Variants in LRP1B observed in about 807,000 individuals in gnomAD.
LRP1B encodes the protein low-density lipoprotein receptor-related protein 1B.
In LRP1B, 217 loss-of-function variants were observed where a neutral mutation model predicts 556.6. The observed-to-expected ratio is 0.39, with a 90% CI of 0.35 to 0.44. LRP1B has a LOEUF of 0.44. Ranked by LOEUF, LRP1B falls within the 20% of genes least tolerant of loss-of-function variation. The pLI, the probability that LRP1B is intolerant of heterozygous loss-of-function variation, is 1.00. For synonymous variants in LRP1B, 2,047 were observed against 1,865.8 expected, an observed-to-expected ratio of 1.10 and a Z score of -2.50; for missense variants, 5,053 against 5,620.8, an observed-to-expected ratio of 0.90 and a Z score of 3.23.
chr2:142,126,607 A>G (rs935942057), intron 1 of LRP1B, among the ~76,000 whole-genome samples: 13 of 151,860 alleles, frequency 8.6e-5, no homozygotes, highest in African/African-American at 3.1e-4. Flanking sequence ...CCTTTGTACA[A>G]GAATTGTTTT....
rs2105198343 is a variant in LRP1B at position 140,601,489 on chromosome 2, T to C, written c.6950A>G (p.Asp2317Gly). 1.2e-6 allele frequency: 2 copies of C among 1,612,878 alleles called. No homozygotes were observed. The highest frequency in any genetic ancestry group is 4.5e-5 in the East Asian group (2 of 44,858). The stretch of plus-strand genomic sequence containing the variant: ...CAAGGCTAGCACATGTGGATGGTCA[T>C]CTTCTGACATGGTGATGACAGCTTC... ...DREAVITMSE[D>G]DHPHVLALDE... Residue 2317 changes from aspartate to glycine, a missense_variant, in exon 42 of 91, where the codon GAT (aspartate) becomes GGT (glycine). Asp to Gly is a moderately conservative substitution (Grantham distance 94). Coordinates refer to ENST00000389484, the MANE Select transcript of LRP1B (RefSeq NM_018557.3).
intron 41 of LRP1B, among the ~76,000 whole-genome samples, chr2:140,635,504 T>G (rs2105286355): frequency 6.6e-6 from 1 of 152,144 alleles, no homozygotes; most frequent in Non-Finnish European, 1.5e-5. Context: ...ATAACATAGA[T>G]AAATTTTATT....
At chr2:141,323,921 C>T (rs1351220173) in intron 3 of LRP1B, among the ~76,000 whole-genome samples, 2 of 129,900 alleles carry the variant, frequency 1.5e-5, no homozygotes, top group African/African-American at 3.0e-5. Flanking sequence ...AACGAGGAAA[C>T]CACACACACA....
intron 77 of LRP1B, among the ~76,000 whole-genome samples, chr2:140,340,810 C>T (rs1250573149): frequency 6.6e-6 from 1 of 151,396 alleles, no homozygotes; most frequent in African/African-American, 2.4e-5. Context: ...GAGCCAACTA[C>T]CTGCTGCACC....
chr2:141,989,380 C>G (rs1388531769), intron 1 of LRP1B, among the ~76,000 whole-genome samples: 2 of 151,862 alleles, frequency 1.3e-5, no homozygotes, highest in Non-Finnish European at 2.9e-5. Flanking sequence ...AGTCAAGGGT[C>G]ATCATTCACA....
Position 140,884,087 on chromosome 2 carries a change from C to T in LRP1B, c.3965-66G>A, listed in dbSNP as rs1333355647. 7 of 1,390,100 alleles carry T rather than the reference C, an allele frequency of 5.0e-6. No individual in the cohort carries two copies. In the South Asian group the frequency reaches 6.1e-5, roughly 12 times the overall value. 86.1% of individuals were successfully genotyped at this position (1,390,100 alleles called of 1,614,324 possible). A position where few individuals can be genotyped will look rare whatever the true frequency, so the allele number is the denominator to read the frequency against. ...ATTGTGTTAAGCACAAAGGAAAAGGCCTTTGTGCCTGTGATCAGCAGTACA... is the reference window on the plus strand; with the variant it reads ...ATTGTGTTAAGCACAAAGGAAAAGGTCTTTGTGCCTGTGATCAGCAGTACA... On this transcript the variant is annotated intron_variant, in intron 24 of 90. Coordinates refer to ENST00000389484, the MANE Select transcript of LRP1B (RefSeq NM_018557.3).
At chr2:142,072,217 G>C (rs1705342778) in intron 1 of LRP1B, among the ~76,000 whole-genome samples, 1 of 151,914 alleles carries the variant, frequency 6.6e-6, no homozygotes. Context: ...CTACTGATCA[G>C]ATGATCTTGA....
At position 141,049,040 on chromosome 2, in the gene LRP1B, G is replaced by A. The variant is rs2105445629; in HGVS notation, c.1735C>T (p.Leu579=). ...CCATCTATCTTCTGCCGGCCAATTA[G>A]GAAACTGGTGGTGTCAGCAAAGTAG... ...YIYFADTTSF[L]IGRQKIDGTE... Residue 579 remains leucine (L), a synonymous_variant, in exon 11 of 91, where the codon CTA becomes TTA. Transcript: ENST00000389484. 6.2e-7 allele frequency: 1 copy of A among 1,613,498 alleles called. No homozygotes were observed. The highest frequency in any genetic ancestry group is 8.5e-7 in the Non-Finnish European group (1 of 1,179,664).
intron 1 of LRP1B, among the ~76,000 whole-genome samples, chr2:142,114,554 G>C (rs1323779790): frequency 6.6e-6 from 1 of 151,994 alleles, no homozygotes; most frequent in Non-Finnish European, 1.5e-5. Flanking sequence ...ACAAAATGTG[G>C]TACATATACA....
intron 72 of LRP1B, among the ~76,000 whole-genome samples, chr2:140,363,672 C>T (rs762722835): frequency 2.0e-5 from 3 of 151,118 alleles, no homozygotes; most frequent in South Asian, 2.1e-4. Flanking sequence ...TAGAAAAAAA[C>T]TCTCCAAAAC....
intron 2 of LRP1B, among the ~76,000 whole-genome samples, chr2:141,641,871 A>G (rs370767922): frequency 1.3e-5 from 2 of 152,284 alleles, no homozygotes; most frequent in East Asian, 3.9e-4. Flanking sequence ...TATATTATAT[A>G]TTGAAATACA....
At chr2:140,863,717 C>T (rs1692865854) in intron 27 of LRP1B, among the ~76,000 whole-genome samples, 1 of 152,152 alleles carries the variant, frequency 6.6e-6, no homozygotes, top group Non-Finnish European at 1.5e-5. Flanking sequence ...TTAAACTTAG[C>T]TAATCCCAAG....
intron 3 of LRP1B, among the ~76,000 whole-genome samples, chr2:141,437,305 G>A (rs943508287): frequency 9.9e-5 from 15 of 152,140 alleles, no homozygotes; most frequent in Middle Eastern, 3.4e-3. Flanking sequence ...ATTTTGACTG[G>A]TGGACAAATA....
intron 2 of LRP1B, among the ~76,000 whole-genome samples, chr2:141,693,740 T>C (rs1212631036): frequency 1.3e-5 from 2 of 152,002 alleles, no homozygotes; most frequent in Non-Finnish European, 2.9e-5. Context: ...AAATAACTCA[T>C]GTCTAAGGGA....
At position 141,949,858 on chromosome 2, in the gene LRP1B, C is replaced by A. The variant is rs1701059130; in HGVS notation, c.83-139457G>T. Among the ~76,000 whole-genome samples the A allele has an allele frequency of 2.0e-5, 3 of 152,158 alleles. No individual in the cohort carries two copies. In the South Asian group the frequency reaches 6.2e-4, roughly 31 times the overall value. On this transcript the variant is annotated intron_variant, in intron 1 of 90. Coordinates refer to ENST00000389484, the MANE Select transcript of LRP1B (RefSeq NM_018557.3). ...TCTAATAAAGATATGCATTTAACTACATTTCAGTGAAGATTTTGAGAGGAT... is the reference window on the plus strand; with the variant it reads ...TCTAATAAAGATATGCATTTAACTAAATTTCAGTGAAGATTTTGAGAGGAT...
intron 41 of LRP1B, among the ~76,000 whole-genome samples, chr2:140,613,352 A>ATTATATACAT (rs1559005748): frequency 3.0e-4 from 27 of 88,854 alleles, no homozygotes; most frequent in Admixed American, 7.4e-4. Flanking sequence ...TATAAATATA[A>ATTATATACAT]ATAATTATAT....
chr2:141,126,951 G>C (rs947067801), intron 7 of LRP1B, among the ~76,000 whole-genome samples: 65 of 152,212 alleles, frequency 4.3e-4, no homozygotes, highest in African/African-American at 1.5e-3. Flanking sequence ...ATGGTGGTTT[G>C]CTGCACCCAT....
At chr2:141,139,164 C>T (rs916328869) in intron 7 of LRP1B, among the ~76,000 whole-genome samples, 2 of 151,778 alleles carry the variant, frequency 1.3e-5, no homozygotes, top group Admixed American at 6.6e-5. Flanking sequence ...TTCTTAGATT[C>T]ATGCCTTATA....
At chr2:141,854,312 A>G (rs760179975) in intron 1 of LRP1B, among the ~76,000 whole-genome samples, 1 of 151,998 alleles carries the variant, frequency 6.6e-6, no homozygotes, top group Non-Finnish European at 1.5e-5. Flanking sequence ...TTCAAATCTC[A>G]GAGCTCAATT....
Sources: gnomAD v4.1 joint callset for allele counts (sites outside exome capture counted in the v4.1 genomes callset) on GRCh38, gnomAD v4.1.1 for gene constraint, MANE v1.5 for transcripts, NCBI Gene and HGNC (gene_info 2026-07-23, HGNC 2026-07-21) for gene names.